ATP2C1: variants seen among roughly 807,000 people sequenced by gnomAD.
The protein encoded by ATP2C1 is calcium-transporting ATPase type 2C member 1.
ATP2C1 carries 31 observed loss-of-function variants against 120.5 expected under a neutral mutation model. That is an observed-to-expected ratio of 0.26 (90% CI 0.19 to 0.35). ATP2C1 has a LOEUF of 0.35. Ranked by LOEUF, ATP2C1 falls within the 10% of genes least tolerant of loss-of-function variation. ATP2C1 has a pLI of 1.00. For synonymous variants in ATP2C1, 351 were observed against 358.7 expected (o/e 0.98, Z 0.24); for missense variants, 731 against 1,107.5 (o/e 0.66, Z 4.83).
intron 1 of ATP2C1, among the ~76,000 whole-genome samples, chr3:130,883,915 TTTTCTTTC>T (rs200518672): frequency 6.7e-6 from 1 of 150,302 alleles, no homozygotes; most frequent in Non-Finnish European, 1.5e-5. Context: ...TCTTAATTTC[TTTTCTTTC>T]TTTCTTTCTT....
chr3:130,951,556 A>G (rs1344154237), intron 8 of ATP2C1, among the ~76,000 whole-genome samples: 1 of 152,174 alleles, frequency 6.6e-6, no homozygotes, highest in South Asian at 2.1e-4. Flanking sequence ...CCTTGCTAAT[A>G]AATGTGTTAG....
chr3:130,966,836 A>G (rs1267467679), intron 14 of ATP2C1, among the ~76,000 whole-genome samples: 3 of 152,208 alleles, frequency 2.0e-5, no homozygotes, highest in Non-Finnish European at 4.4e-5. Context: ...AGTATGCTAT[A>G]TAAGTGTAAT....
intron 2 of ATP2C1, among the ~76,000 whole-genome samples, chr3:130,901,785 T>A: frequency 6.6e-6 from 1 of 152,074 alleles, no homozygotes; most frequent in Non-Finnish European, 1.5e-5. Context: ...GAACAGACTC[T>A]GGGACGTACC....
intron 2 of ATP2C1, among the ~76,000 whole-genome samples, chr3:130,896,299 G>T (rs1467947967): frequency 2.0e-5 from 3 of 152,154 alleles, no homozygotes; most frequent in Non-Finnish European, 4.4e-5. Context: ...GTGGGAGGGG[G>T]TGGTTGTGAG....
chr3:130,969,481 A>G (rs1156716156), intron 17 of ATP2C1, 85 bp downstream of exon 17: 13 of 973,406 alleles, frequency 1.3e-5, no homozygotes, highest in East Asian at 2.5e-5. Context: ...GGGTTTAGTC[A>G]TTGTACATAA....
chr3:130,933,169 T>G (rs1240920194), intron 4 of ATP2C1, among the ~76,000 whole-genome samples: 1 of 152,168 alleles, frequency 6.6e-6, no homozygotes, highest in African/African-American at 2.4e-5. Flanking sequence ...ACCTGCCCCT[T>G]GGGATTCCTG....
intron 1 of ATP2C1, among the ~76,000 whole-genome samples, chr3:130,854,636 G>T (rs894604241): frequency 6.6e-6 from 1 of 152,140 alleles, no homozygotes; most frequent in Admixed American, 6.6e-5. Flanking sequence ...GCTTTAGCCT[G>T]GAGATGCCTG....
chr3:130,988,627 T>C (rs1053058745), intron 20 of ATP2C1, among the ~76,000 whole-genome samples: 1 of 151,954 alleles, frequency 6.6e-6, no homozygotes, highest in African/African-American at 2.4e-5. Flanking sequence ...CTACAGAAAA[T>C]TGATCCTCAG....
At chr3:130,999,408 A>T in intron 26 of ATP2C1, 110 bp from the exon 27 acceptor site, 1 of 1,047,540 alleles carries the variant, frequency 9.5e-7, no homozygotes, top group Non-Finnish European at 1.5e-6. Context: ...TTGACATTGC[A>T]CAATTCAGTG....
At position 131,016,163 on chromosome 3, in the gene ATP2C1, G is replaced by A; in HGVS notation, c.2641G>A (p.Gly881Arg). Residue 881 changes from glycine to arginine, a missense_variant, in exon 27 of 27, where the codon GGA becomes AGA. Coordinates refer to the ATP2C1 transcript ENST00000328560. ...GCTTACCGAGTTAGGTCTGGCTCTGGGAGAGGAGTGGACAGCAGCTGGTTG... is the reference window on the plus strand; with the variant it reads ...GCTTACCGAGTTAGGTCTGGCTCTGAGAGAGGAGTGGACAGCAGCTGGTTG... 1.9e-6 allele frequency: 3 copies of A among 1,613,980 alleles called. No homozygotes were observed. In the South Asian group the frequency reaches 3.3e-5, roughly 18 times the overall value.
In ATP2C1 at chr3:130,940,703, T is replaced by G. The variant is rs779500214; in HGVS notation, c.422+12T>G. 6.2e-7 allele frequency: 1 copy of G among 1,602,574 alleles called. No homozygotes were observed. The highest frequency in any genetic ancestry group is 1.1e-5 in the South Asian group (1 of 90,834). On this transcript the variant is annotated intron_variant, in intron 7 of 27. Transcript: ENST00000510168. ...CCAGAATGCCATTGGTATGATCCTT[T>G]TTTTGGTATGGATTTCTGCCCCTTT... is the stretch of plus-strand genomic sequence containing the variant.
chr3:130,894,251 T>C lies in ATP2C1; in HGVS notation c.-267T>C, dbSNP rs929821101. 11 of 983,276 alleles carry C rather than the reference T, an allele frequency of 1.1e-5. No individual in the cohort carries two copies. Among genetic ancestry groups the C allele is most frequent in the Non-Finnish European group, 1.3e-5 (11 of 829,532 alleles). 60.9% of individuals were successfully genotyped at this position (983,276 alleles called of 1,614,324 possible). On this transcript the variant is annotated 5_prime_UTR_variant, in exon 1 of 28. Transcript: ENST00000510168. The surrounding 1 kb of genome is among the most constrained non-coding windows in gnomAD (Gnocchi z 4.5). ...CTCGCACCGCTGCCCCGCGAGCAGC[T>C]CCTCTTCTCCCGAGGCGCGCGGGGC...
rs531654008 is a variant in ATP2C1, at chr3:130,986,755, T to C, written c.1839+6076T>C. On this transcript the variant is annotated intron_variant, in intron 20 of 27. Transcript: ENST00000510168. The stretch of plus-strand genomic sequence containing the variant: ...TATTATTAGAGAATTTTTTGTCTCA[T>C]TAGGTTAGCAGGACGGCCCCCACCC... 1.1e-4 allele frequency among the ~76,000 whole-genome samples: 16 copies of C among 152,302 alleles called. 1 individual carries two copies. The South Asian group carries it at 3.1e-3, about 30-fold the overall frequency.
intron 1 of ATP2C1, among the ~76,000 whole-genome samples, chr3:130,854,432 A>G (rs1485929600): frequency 6.6e-6 from 1 of 152,068 alleles, no homozygotes; most frequent in African/African-American, 2.4e-5. Context: ...CGGTTATTTT[A>G]TTTTGGTCTG....
intron 1 of ATP2C1, among the ~76,000 whole-genome samples, chr3:130,870,974 C>T (rs184146859): frequency 3.9e-5 from 6 of 152,296 alleles, no homozygotes; most frequent in East Asian, 3.9e-4. Flanking sequence ...CAGCAACCAC[C>T]GCCCTGATCA....
intron 17 of ATP2C1, among the ~76,000 whole-genome samples, chr3:130,970,950 CTATTCTT>C (rs2061287703): frequency 6.6e-6 from 1 of 152,086 alleles, no homozygotes; most frequent in Non-Finnish European, 1.5e-5. Context: ...AGATTTCCGT[CTATTCTT>C]TAAAGGAACT....
At chr3:130,902,322 T>TC (rs2057897416) in intron 2 of ATP2C1, among the ~76,000 whole-genome samples, 1 of 99,736 alleles carries the variant, frequency 1.0e-5, no homozygotes, top group African/African-American at 3.4e-5. Flanking sequence ...TTTTTTTTTT[T>TC]CTGAGAGGTG....
chr3:131,006,899 C>T (rs2063139087), downstream of ATP2C1, among the ~76,000 whole-genome samples: 1 of 152,040 alleles, frequency 6.6e-6, no homozygotes, highest in African/African-American at 2.4e-5. Context: ...AACTCCTGGG[C>T]TCAAGCAATC....
intron 20 of ATP2C1, among the ~76,000 whole-genome samples, chr3:130,985,825 G>A (rs932999184): frequency 2.0e-5 from 3 of 152,164 alleles, no homozygotes; most frequent in Non-Finnish European, 4.4e-5. Flanking sequence ...GCAGCATGAT[G>A]AGTAGTTGCT....
Sources: gnomAD v4.1 joint callset for allele counts (sites outside exome capture counted in the v4.1 genomes callset) on GRCh38, gnomAD v4.1.1 for gene constraint, Gnocchi (gnomAD v3.1) non-coding constraint, MANE v1.5 for transcripts, NCBI Gene and HGNC (gene_info 2026-07-23, HGNC 2026-07-21) for gene names.